The following ATP6V1E2 variants were observed in gnomAD, a reference collection of about 807,000 sequenced individuals.
ATP6V1E2 encodes V-type proton ATPase subunit E 2.
For synonymous variants in ATP6V1E2, 121 were observed against 104.2 expected, an observed-to-expected ratio of 1.16 and a Z score of -0.98; for missense variants, 308 against 273.3, an observed-to-expected ratio of 1.13 and a Z score of -0.90.
At chr2:46,533,764 A>T (rs997881068) in intron 4 of ATP6V1E2, among the ~76,000 whole-genome samples, 5 of 152,186 alleles carry the variant, frequency 3.3e-5, no homozygotes, top group Admixed American at 2.0e-4. Flanking sequence ...TTTAAAAAAA[A>T]CTTTAAGCCT....
intron 2 of ATP6V1E2, among the ~76,000 whole-genome samples, chr2:46,538,292 T>G (rs1025403284): frequency 6.6e-6 from 1 of 152,194 alleles, no homozygotes; most frequent in Non-Finnish European, 1.5e-5. Flanking sequence ...ACTCAAAAAC[T>G]TTTGATACCT....
At chr2:46,523,809 A>G (rs1409327252) in intron 4 of ATP6V1E2, among the ~76,000 whole-genome samples, 1 of 152,194 alleles carries the variant, frequency 6.6e-6, no homozygotes, top group Non-Finnish European at 1.5e-5. Flanking sequence ...CTGAATCTAT[A>G]AATTACTTTG....
At chr2:46,539,904 A>G (rs1408301096) in intron 2 of ATP6V1E2, among the ~76,000 whole-genome samples, 3 of 152,212 alleles carry the variant, frequency 2.0e-5, no homozygotes, top group Non-Finnish European at 4.4e-5. Context: ...TCTATTCTCT[A>G]GCACAGCACT....
chr2:46,537,734 C>CT lies in ATP6V1E2; in HGVS notation c.-309-1032dup, dbSNP rs140679410. On this transcript the variant is annotated intron_variant, in intron 2 of 4. Coordinates refer to ENST00000522587, the MANE Select transcript of ATP6V1E2 (RefSeq NM_001318063.2). ...TCTATGACTTGCAACCTAAAGCATC[C>CT]TAGCCACAACACCAAATGATCCCTT... Among the ~76,000 whole-genome samples the CT allele has an allele frequency of 9.4e-3, 1,438 of 152,286 alleles. 21 individuals are homozygous for CT. Among genetic ancestry groups the CT allele is most frequent in the African/African-American group, 0.032 (1,309 of 41,548 alleles).
At chr2:46,540,919 A>G (rs1667726513) in intron 2 of ATP6V1E2, among the ~76,000 whole-genome samples, 1 of 152,176 alleles carries the variant, frequency 6.6e-6, no homozygotes, top group Non-Finnish European at 1.5e-5. Flanking sequence ...TGGGAATGCT[A>G]TGACATTCCC....
chr2:46,514,518 T>A (rs1418073425), intron 4 of ATP6V1E2, among the ~76,000 whole-genome samples: 1 of 151,996 alleles, frequency 6.6e-6, no homozygotes, highest in Non-Finnish European at 1.5e-5. Context: ...AAGAATACAA[T>A]AACTGAACTG....
intron 4 of ATP6V1E2, among the ~76,000 whole-genome samples, chr2:46,531,607 T>G (rs12997164): frequency 0.24 from 37,257 of 152,168 alleles, 4,777 homozygotes; most frequent in Admixed American, 0.3. Flanking sequence ...ACCTTCGAAC[T>G]GTTTTCCAGA....
intron 4 of ATP6V1E2, among the ~76,000 whole-genome samples, chr2:46,533,322 G>T (rs575732023): frequency 6.6e-6 from 1 of 152,114 alleles, no homozygotes; most frequent in African/African-American, 2.4e-5. Context: ...CACTCAGACT[G>T]GAGTGCAGTG....
rs1397349430 is a variant in ATP6V1E2, at chr2:46,512,636, T to G, written c.76A>C (p.Lys26Gln). The change falls in exon 5 of 5, where the codon AAA becomes CAA. Residue 26 changes from lysine (K) to glutamine (Q), a missense_variant. Transcript: ENST00000522587. ...MAFIEQEANE[K>Q]AEEIDAKAEE... ...GCCTTGGCATCGATTTCCTCTGCTT[T>G]CTCATTGGCTTCCTGCTCAATGAAA... is the stretch of plus-strand genomic sequence containing the variant. The G allele has an allele frequency of 2.5e-6, 4 of 1,614,254 alleles. No homozygotes were observed. The highest frequency in any genetic ancestry group is 3.4e-6 in the Non-Finnish European group (4 of 1,180,044).
Position 46,512,181 on chromosome 2 carries a change from T to C in ATP6V1E2, c.531A>G (p.Ala177=), listed in dbSNP as rs1477553195. Residue 177 remains alanine (A), a synonymous_variant, in exon 5 of 5, where the codon GCA becomes GCG. Transcript: ENST00000522587. ...CACTGTAGACCTCCACACCTCCAGC[T>C]GCATTCACAGCCAGGTATGCCTCTT... ...IDKEAYLAVN[A]AGGVEVYSGN... is the part of the protein sequence containing the mutation. 1 of 1,614,110 alleles carries C rather than the reference T, an allele frequency of 6.2e-7. No homozygotes were observed. Among genetic ancestry groups the C allele is most frequent in the Non-Finnish European group, 8.5e-7 (1 of 1,180,040 alleles).
At chr2:46,513,511 C>G (rs529147149) in intron 4 of ATP6V1E2, among the ~76,000 whole-genome samples, 1 of 152,304 alleles carries the variant, frequency 6.6e-6, no homozygotes, top group African/African-American at 2.4e-5. Context: ...ATTATCTATT[C>G]ACTTCCCCGA....
chr2:46,525,042 C>T (rs1027681539), intron 4 of ATP6V1E2, among the ~76,000 whole-genome samples: 1 of 152,044 alleles, frequency 6.6e-6, no homozygotes, highest in Non-Finnish European at 1.5e-5. Context: ...CTGTACACAG[C>T]GAGGGCCAGG....
At chr2:46,525,956 C>T (rs1274274484) in intron 4 of ATP6V1E2, among the ~76,000 whole-genome samples, 2 of 151,504 alleles carry the variant, frequency 1.3e-5, no homozygotes, top group Non-Finnish European at 2.9e-5. Context: ...AATACTTCCC[C>T]GGTCTGTTGC....
At chr2:46,520,518 G>C (rs896209) in intron 4 of ATP6V1E2, among the ~76,000 whole-genome samples, 79,150 of 152,048 alleles carry the variant, frequency 0.52, 20,893 homozygotes, top group East Asian at 0.82. Flanking sequence ...GGGCCTCCCC[G>C]CTAAAACAGC....
At chr2:46,522,886 C>T (rs967242919) in intron 4 of ATP6V1E2, among the ~76,000 whole-genome samples, 9 of 152,158 alleles carry the variant, frequency 5.9e-5, no homozygotes, top group Non-Finnish European at 1.2e-4. Context: ...TATTTCTCTA[C>T]GGCCTCACTG....
At position 46,530,771 on chromosome 2, in the gene ATP6V1E2, G is replaced by C. The variant is rs1667143962; in HGVS notation, c.-102+5042C>G. Among the ~76,000 whole-genome samples, 1 of 152,214 alleles carries C rather than the reference G, an allele frequency of 6.6e-6. No homozygotes were observed. The highest frequency in any genetic ancestry group is 2.4e-5 in the African/African-American group (1 of 41,456). ...ATGGCAGAAAGCAAAGGGGAAGCAA[G>C]ACACGTCTTACATGGCAGCAGGCAA... On this transcript the variant is annotated intron_variant, in intron 4 of 4. Transcript: ENST00000522587. This position sits in a 1 kb window ranked among gnomAD's most constrained non-coding sequence, Gnocchi z 5.2.
rs1457812826 is a variant in ATP6V1E2 at position 46,530,803 on chromosome 2, G to A, written c.-102+5010C>T. Among the ~76,000 whole-genome samples, 1 of 152,228 alleles carries A rather than the reference G, an allele frequency of 6.6e-6. No homozygotes were observed. Among genetic ancestry groups the A allele is most frequent in the African/African-American group, 2.4e-5 (1 of 41,458 alleles). ...CTTACATGGCAGCAGGCAAGAGAAAGCTTGTACAGGGGAACTCCCCTTTGT... is the reference window on the plus strand; with the variant it reads ...CTTACATGGCAGCAGGCAAGAGAAAACTTGTACAGGGGAACTCCCCTTTGT... On this transcript the variant is annotated intron_variant, in intron 4 of 4. Coordinates refer to ENST00000522587, the MANE Select transcript of ATP6V1E2 (RefSeq NM_001318063.2). The surrounding 1 kb of genome is among the most constrained non-coding windows in gnomAD (Gnocchi z 5.2).
At chr2:46,514,896 C>A (rs1687645541) in intron 4 of ATP6V1E2, among the ~76,000 whole-genome samples, 1 of 151,938 alleles carries the variant, frequency 6.6e-6, no homozygotes, top group African/African-American at 2.4e-5. Context: ...GAGAAAAGAG[C>A]CATCACATAT....
intron 4 of ATP6V1E2, among the ~76,000 whole-genome samples, chr2:46,513,781 C>T (rs565913706): frequency 2.5e-4 from 38 of 151,054 alleles, no homozygotes; most frequent in South Asian, 2.5e-3. Flanking sequence ...GCTGAGATCG[C>T]GCCACTGTAC....
Sources: gnomAD v4.1 joint callset for allele counts (sites outside exome capture counted in the v4.1 genomes callset) on GRCh38, gnomAD v4.1.1 for gene constraint, Gnocchi (gnomAD v3.1) non-coding constraint, MANE v1.5 for transcripts, NCBI Gene and HGNC (gene_info 2026-07-23, HGNC 2026-07-21) for gene names.